Variants in PARD3 observed in about 807,000 individuals in gnomAD.
PARD3 encodes partitioning defective 3 homolog.
In PARD3, 75 loss-of-function variants were observed where a neutral mutation model predicts 155.4. That is an observed-to-expected ratio of 0.48 (90% CI 0.40 to 0.58). The LOEUF is 0.58. PARD3 is among the 20% of genes least tolerant of loss of function. The pLI is 0.00. For missense variants in PARD3, 1,642 were observed against 1,721.7 expected (o/e 0.95, Z 0.82); for synonymous variants, 576 against 610.5 (o/e 0.94, Z 0.83).
intron 4 of PARD3, among the ~76,000 whole-genome samples, chr10:34,462,800 C>G (rs1371338046): frequency 6.6e-6 from 1 of 151,240 alleles, no homozygotes; most frequent in Non-Finnish European, 1.5e-5. Context: ...GCACTGAACT[C>G]CAGCCTGGGC....
chr10:34,178,742 A>G (rs554152410), intron 22 of PARD3, among the ~76,000 whole-genome samples: 3 of 152,342 alleles, frequency 2.0e-5, no homozygotes, highest in Admixed American at 6.5e-5. Flanking sequence ...TGGTAGAAAG[A>G]AAAAACAATT....
intron 22 of PARD3, among the ~76,000 whole-genome samples, chr10:34,231,026 CT>C (rs1171399405): frequency 6.6e-6 from 1 of 151,802 alleles, no homozygotes; most frequent in Non-Finnish European, 1.5e-5. Context: ...GACCCTGTAT[CT>C]TAAAAAAGAA....
intron 22 of PARD3, among the ~76,000 whole-genome samples, chr10:34,196,791 T>A (rs1217771930): frequency 2.6e-5 from 4 of 152,006 alleles, no homozygotes; most frequent in Admixed American, 2.6e-4. Context: ...GCCAGGATGG[T>A]CTCTATCTCC....
intron 2 of PARD3, among the ~76,000 whole-genome samples, chr10:34,654,481 G>A (rs540511232): frequency 6.6e-6 from 1 of 152,300 alleles, no homozygotes; most frequent in Admixed American, 6.5e-5. Context: ...TGCACTGCCT[G>A]CCTTTCTATG....
At chr10:34,358,911 G>A (rs1036755993) in intron 14 of PARD3, among the ~76,000 whole-genome samples, 4 of 152,208 alleles carry the variant, frequency 2.6e-5, no homozygotes, top group African/African-American at 9.6e-5. Flanking sequence ...TGAGATCCCA[G>A]TGTTTCCTGC....
chr10:34,476,810 G>A (rs933337611), intron 3 of PARD3, among the ~76,000 whole-genome samples: 4 of 152,164 alleles, frequency 2.6e-5, no homozygotes, highest in Non-Finnish European at 4.4e-5. Context: ...GTCAAAGTAC[G>A]ACAAGCAACA....
chr10:34,501,059 G>C (rs905892305), intron 3 of PARD3, among the ~76,000 whole-genome samples: 29 of 152,012 alleles, frequency 1.9e-4, no homozygotes, highest in African/African-American at 6.8e-4. Flanking sequence ...TTATATAATG[G>C]CTAGAGTTTT....
At chr10:34,676,865 A>G (rs1190059207) in intron 2 of PARD3, among the ~76,000 whole-genome samples, 1 of 152,230 alleles carries the variant, frequency 6.6e-6, no homozygotes, top group Non-Finnish European at 1.5e-5. Context: ...GATTCTGCCA[A>G]CAGAATCAGC....
intron 1 of PARD3, among the ~76,000 whole-genome samples, chr10:34,749,535 GA>G (rs1187468998): frequency 1.3e-5 from 2 of 151,614 alleles, no homozygotes; most frequent in Non-Finnish European, 2.9e-5. Flanking sequence ...AGAAAAAACT[GA>G]AAATAGCAAT....
intron 2 of PARD3, among the ~76,000 whole-genome samples, chr10:34,602,225 G>C (rs2089847390): frequency 6.6e-6 from 1 of 152,048 alleles, no homozygotes; most frequent in African/African-American, 2.4e-5. Context: ...ATCAATATAT[G>C]TTTACACTTT....
At chr10:34,807,305 T>C (rs908376636) in intron 1 of PARD3, among the ~76,000 whole-genome samples, 1 of 152,240 alleles carries the variant, frequency 6.6e-6, no homozygotes, top group Non-Finnish European at 1.5e-5. Context: ...TTTTATGAAA[T>C]GCTCAGAACT....
intron 14 of PARD3, among the ~76,000 whole-genome samples, chr10:34,357,894 T>C (rs1043551181): frequency 2.6e-5 from 4 of 152,166 alleles, no homozygotes; most frequent in African/African-American, 9.7e-5. Context: ...GAGAGTATAT[T>C]TTCTCTGTAA....
At chr10:34,400,779 T>A (rs2132189442) in intron 6 of PARD3, among the ~76,000 whole-genome samples, 1 of 151,716 alleles carries the variant, frequency 6.6e-6, no homozygotes, top group Admixed American at 6.6e-5. Flanking sequence ...TAAGACAACA[T>A]AAAAATTCTG....
At chr10:34,734,423 CCT>C (rs1227122151) in intron 1 of PARD3, among the ~76,000 whole-genome samples, 1 of 148,244 alleles carries the variant, frequency 6.7e-6, no homozygotes, top group African/African-American at 2.5e-5. Flanking sequence ...GCAAGCTCCG[CCT>C]CCTGGGTTCA....
intron 5 of PARD3, among the ~76,000 whole-genome samples, chr10:34,435,227 G>C (rs1300872452): frequency 1.3e-5 from 2 of 152,258 alleles, no homozygotes; most frequent in East Asian, 3.9e-4. Flanking sequence ...GCTATCTCTG[G>C]TACTTTTGTT....
At chr10:34,300,594 A>G (rs928559316) in intron 20 of PARD3, among the ~76,000 whole-genome samples, 2 of 151,866 alleles carry the variant, frequency 1.3e-5, no homozygotes, top group Admixed American at 1.3e-4. Context: ...ACTGCACTCT[A>G]GCCTGTCCGA....
chr10:34,631,843 C>CT (rs2092284953), intron 2 of PARD3, among the ~76,000 whole-genome samples: 3 of 152,222 alleles, frequency 2.0e-5, no homozygotes, highest in South Asian at 2.1e-4. Flanking sequence ...AGTGATCCAC[C>CT]TGCCTTGGCC....
intron 1 of PARD3, among the ~76,000 whole-genome samples, chr10:34,812,691 T>A (rs892859210): frequency 1.3e-5 from 2 of 152,138 alleles, no homozygotes; most frequent in Non-Finnish European, 2.9e-5. Flanking sequence ...AAAATTCACC[T>A]ACAGAACTCT....
chr10:34,286,719 A>T (rs1487358487), intron 20 of PARD3, among the ~76,000 whole-genome samples: 1 of 152,224 alleles, frequency 6.6e-6, no homozygotes, highest in Non-Finnish European at 1.5e-5. Context: ...AGATGACATG[A>T]AAAGCCACTG....
Sources: gnomAD v4.1 joint callset for allele counts (sites outside exome capture counted in the v4.1 genomes callset) on GRCh38, gnomAD v4.1.1 for gene constraint, MANE v1.5 for transcripts, NCBI Gene and HGNC (gene_info 2026-07-23, HGNC 2026-07-21) for gene names.